Variants in RBMS3 observed in about 807,000 individuals in gnomAD.
RBMS3 encodes RNA binding motif single stranded interacting protein 3, also known as RNA-binding motif, single-stranded-interacting protein 3.
In RBMS3, 27 loss-of-function variants were observed where a neutral mutation model predicts 66.8. The ratio of observed to expected loss-of-function variants is 0.40; its 90% CI spans 0.30 to 0.56. The LOEUF (loss-of-function observed/expected upper bound fraction) is 0.56, where lower values mean the gene tolerates loss of function less well. Among genes scored for constraint, RBMS3 ranks in the 20% least tolerant of loss-of-function variants. The pLI, the probability that RBMS3 is intolerant of heterozygous loss-of-function variation, is 0.40. For missense variants in RBMS3, 513 were observed against 549.5 expected (o/e 0.93, Z 0.66); for synonymous variants, 188 against 183.0 (o/e 1.03, Z -0.22).
intron 4 of RBMS3, among the ~76,000 whole-genome samples, chr3:29,711,113 A>T (rs1017042226): frequency 5.9e-5 from 9 of 152,198 alleles, no homozygotes; most frequent in African/African-American, 2.2e-4. Context: ...CATAGCTGTG[A>T]TAAAGTTTAA....
At position 29,868,952 on chromosome 3, in the gene RBMS3, C is replaced by T. The variant is rs140903897; in HGVS notation, c.732C>T (p.Pro244=). 1 of 1,596,810 alleles carries T rather than the reference C, an allele frequency of 6.3e-7. No homozygotes were observed. The highest frequency in any genetic ancestry group is 1.3e-5 in the African/African-American group (1 of 74,674). The change falls in exon 7 of 15, where the codon CCC becomes CCT. Residue 244 remains proline (P), a synonymous_variant. Coordinates refer to ENST00000383767, the MANE Select transcript of RBMS3 (RefSeq NM_001003793.3). ...ATACCCAGAATGGGAGGCCTTGGCC[C>T]AGGGAAGGAGAGGTGAGTCCTGACT... The part of the protein sequence containing the change: ...SKYTQNGRPW[P]REGEAGMALT...
intron 4 of RBMS3, among the ~76,000 whole-genome samples, chr3:29,703,035 T>C (rs897599653): frequency 1.8e-4 from 28 of 152,268 alleles, no homozygotes; most frequent in African/African-American, 6.8e-4. Flanking sequence ...ATGTATCTAA[T>C]ACTGATGCAG....
chr3:29,482,933 C>A (rs1032761164), intron 2 of RBMS3, among the ~76,000 whole-genome samples: 143 of 151,634 alleles, frequency 9.4e-4, no homozygotes, highest in African/African-American at 3.3e-3. Flanking sequence ...GTCTCGAACT[C>A]CTAACCTCGT....
intron 4 of RBMS3, among the ~76,000 whole-genome samples, chr3:29,674,282 C>T (rs1388424982): frequency 2.0e-5 from 3 of 152,094 alleles, no homozygotes; most frequent in East Asian, 3.9e-4. Flanking sequence ...TTATAACAAA[C>T]CCACAGCCAA....
intron 10 of RBMS3, among the ~76,000 whole-genome samples, chr3:29,919,522 T>C (rs1012784621): frequency 4.6e-5 from 7 of 152,228 alleles, no homozygotes; most frequent in Non-Finnish European, 1.0e-4. Context: ...CAATCATTGC[T>C]CCATTTGCTA....
intron 1 of RBMS3, among the ~76,000 whole-genome samples, chr3:29,404,438 T>C (rs2039931795): frequency 6.6e-6 from 1 of 152,136 alleles, no homozygotes; most frequent in Non-Finnish European, 1.5e-5. Context: ...ACATATGTTA[T>C]AGGTACAGCT....
chr3:29,683,400 C>T (rs1304756983), intron 4 of RBMS3, among the ~76,000 whole-genome samples: 1 of 152,154 alleles, frequency 6.6e-6, no homozygotes, highest in East Asian at 1.9e-4. Flanking sequence ...ATAAAGATTG[C>T]ATCCATAAAT....
chr3:29,548,041 C>T (rs1367804227), intron 3 of RBMS3, among the ~76,000 whole-genome samples: 4 of 151,790 alleles, frequency 2.6e-5, no homozygotes, highest in Admixed American at 1.3e-4. Flanking sequence ...GTGATCTGCC[C>T]GCCTCAGCCT....
chr3:29,525,088 G>A (rs1305166045), intron 3 of RBMS3, among the ~76,000 whole-genome samples: 9 of 152,076 alleles, frequency 5.9e-5, no homozygotes. Flanking sequence ...TCAGGCCACA[G>A]AGAGCAAAGT....
chr3:29,608,428 TA>T (rs769720647), intron 4 of RBMS3, among the ~76,000 whole-genome samples: 107 of 152,126 alleles, frequency 7.0e-4, no homozygotes, highest in Non-Finnish European at 1.1e-3. Flanking sequence ...CTTACATTCT[TA>T]GTTTCATTGT....
chr3:29,434,950 C>G, intron 2 of RBMS3, 35 bp downstream of exon 2: 1 of 1,582,464 alleles, frequency 6.3e-7, no homozygotes. Flanking sequence ...CTGTTTCTCA[C>G]TCCCATACTT....
chr3:29,407,573 G>T (rs1242644350), intron 1 of RBMS3, among the ~76,000 whole-genome samples: 1 of 152,172 alleles, frequency 6.6e-6, no homozygotes, highest in Non-Finnish European at 1.5e-5. Flanking sequence ...ATTATGTAGA[G>T]TCAAATAATC....
At chr3:29,603,840 C>T (rs1158093261) in intron 4 of RBMS3, among the ~76,000 whole-genome samples, 3 of 151,896 alleles carry the variant, frequency 2.0e-5, no homozygotes, top group Non-Finnish European at 4.4e-5. Flanking sequence ...GAAGCTAACA[C>T]CTGAACCACT....
chr3:29,482,111 G>A (rs1218204803), intron 2 of RBMS3, among the ~76,000 whole-genome samples: 3 of 152,084 alleles, frequency 2.0e-5, no homozygotes, highest in African/African-American at 7.2e-5. Context: ...AAATATTAAA[G>A]AATGTTAAAT....
At position 29,716,384 on chromosome 3, in the gene RBMS3, A is replaced by G. The variant is rs146256703; in HGVS notation, c.400-23336A>G. 3.0e-3 allele frequency among the ~76,000 whole-genome samples: 463 copies of G among 152,260 alleles called. 2 individuals are homozygous for G. The highest frequency in any genetic ancestry group is 9.9e-3 in the African/African-American group (412 of 41,562). On this transcript the variant is annotated intron_variant, in intron 4 of 14. Coordinates refer to ENST00000383767, the MANE Select transcript of RBMS3 (RefSeq NM_001003793.3). ...AACAAGTAGAATAAGCTCTGAATTG[A>G]TATTAGTTATTTTGCTAATAATGCA...
intron 1 of RBMS3, among the ~76,000 whole-genome samples, chr3:29,359,223 C>T (rs1292566911): frequency 2.0e-4 from 30 of 152,148 alleles, no homozygotes; most frequent in Non-Finnish European, 4.0e-4. Flanking sequence ...TACATCCCAT[C>T]AATACCTAAT....
At chr3:29,306,878 A>G (rs773273672) in intron 1 of RBMS3, among the ~76,000 whole-genome samples, 7 of 151,844 alleles carry the variant, frequency 4.6e-5, no homozygotes, top group Non-Finnish European at 7.4e-5. Flanking sequence ...AAGTCTTCTG[A>G]TATTAAAATT....
chr3:30,006,889 A>T lies in RBMS3; in HGVS notation c.*3027A>T, dbSNP rs569876706. On this transcript the variant is annotated 3_prime_UTR_variant, in exon 15 of 15. Coordinates refer to ENST00000383767, the MANE Select transcript of RBMS3 (RefSeq NM_001003793.3). ...CTGCTTTATTTGTACATTCAGAAAT[A>T]TTTTTTTCAACTATGAAATTTCAAT... is the stretch of plus-strand genomic sequence containing the variant. The T allele has an allele frequency of 7.9e-5, 12 of 152,004 alleles. No homozygotes were observed. Among genetic ancestry groups the T allele is most frequent in the Admixed American group, 2.0e-4 (3 of 15,252 alleles). The allele number at this position is 152,004 out of a possible 1,614,324, so 9.4% of individuals were successfully genotyped here. A position where few individuals can be genotyped will look rare whatever the true frequency, so the allele number is the denominator to read the frequency against.
intron 4 of RBMS3, among the ~76,000 whole-genome samples, chr3:29,643,672 T>C (rs2049809991): frequency 6.6e-6 from 1 of 152,150 alleles, no homozygotes; most frequent in African/African-American, 2.4e-5. Context: ...AGCGCCGTTG[T>C]TTGTGGGCCA....
Sources: gnomAD v4.1 joint callset for allele counts (sites outside exome capture counted in the v4.1 genomes callset) on GRCh38, gnomAD v4.1.1 for gene constraint, MANE v1.5 for transcripts, NCBI Gene and HGNC (gene_info 2026-07-23, HGNC 2026-07-21) for gene names.